The following BMPR1B variants were observed in gnomAD, a reference collection of about 807,000 sequenced individuals.
The protein encoded by BMPR1B is bone morphogenetic protein receptor type 1B, also known as bone morphogenetic protein receptor type-1B.
BMPR1B carries 12 observed loss-of-function variants against 59.1 expected under a neutral mutation model. That is an observed-to-expected ratio of 0.20 (90% CI 0.13 to 0.33). The LOEUF (loss-of-function observed/expected upper bound fraction) is 0.33, where lower values mean the gene tolerates loss of function less well. Among genes scored for constraint, BMPR1B ranks in the 10% least tolerant of loss-of-function variants. BMPR1B has a pLI of 1.00. For missense variants in BMPR1B, 550 were observed against 610.9 expected (o/e 0.90, Z 1.05); for synonymous variants, 237 against 207.3 (o/e 1.14, Z -1.23).
intron 2 of BMPR1B, among the ~76,000 whole-genome samples, chr4:94,880,237 A>G (rs1726904273): frequency 1.3e-5 from 2 of 152,200 alleles, no homozygotes; most frequent in South Asian, 4.1e-4. Context: ...AGAGTACTGT[A>G]CTTCTAACTT....
In BMPR1B at chr4:95,154,887, G is replaced by A; in HGVS notation, c.*214G>A. ...TTGATCCATGTCTGTTTGTAGGACGGAGAAACCGCTTGGGTAACTTGTTCA... is the reference window on the plus strand; with the variant it reads ...TTGATCCATGTCTGTTTGTAGGACGAAGAAACCGCTTGGGTAACTTGTTCA... On this transcript the variant is annotated 3_prime_UTR_variant, in exon 13 of 13. Transcript: ENST00000515059. 1.7e-6 allele frequency: 1 copy of A among 594,856 alleles called. No homozygotes were observed. The highest frequency in any genetic ancestry group is 2.9e-6 in the Non-Finnish European group (1 of 345,770). 36.8% of individuals were successfully genotyped at this position (594,856 alleles called of 1,614,324 possible).
chr4:94,975,743 T>G (rs1274680119), intron 2 of BMPR1B, among the ~76,000 whole-genome samples: 1 of 152,226 alleles, frequency 6.6e-6, no homozygotes, highest in Non-Finnish European at 1.5e-5. Context: ...TTTTATTTCA[T>G]GATTTCTCCC....
chr4:94,759,010 C>T (rs1257905967), intron 1 of BMPR1B, among the ~76,000 whole-genome samples: 3 of 152,190 alleles, frequency 2.0e-5, no homozygotes, highest in East Asian at 1.9e-4. Flanking sequence ...CTCTGCTCGT[C>T]CCTCTTTCTG....
intron 2 of BMPR1B, among the ~76,000 whole-genome samples, chr4:94,976,180 C>G (rs932843761): frequency 1.3e-5 from 2 of 152,128 alleles, no homozygotes; most frequent in African/African-American, 4.8e-5. Context: ...ATTTGGGCTT[C>G]CTCATAGCAT....
At chr4:95,071,652 GTATATATATATATA>G (rs58148216) in intron 3 of BMPR1B, among the ~76,000 whole-genome samples, 1 of 84,342 alleles carries the variant, frequency 1.2e-5, no homozygotes, top group East Asian at 3.4e-4. Context: ...GTGTGTGTGT[GTATATATATATATA>G]TATATATATA....
intron 1 of BMPR1B, among the ~76,000 whole-genome samples, chr4:94,841,085 G>T (rs1263507543): frequency 1.3e-5 from 2 of 148,434 alleles, no homozygotes; most frequent in Admixed American, 6.7e-5. Context: ...GGGTGTCAGG[G>T]GTCAGGGACC....
At position 95,149,148 on chromosome 4, in the gene BMPR1B, A is replaced by C. The variant is rs1540403; in HGVS notation, c.1252+225A>C. 0.48 allele frequency among the ~76,000 whole-genome samples: 72,443 copies of C among 151,560 alleles called. 18,363 individuals carry two copies. Among genetic ancestry groups the C allele is most frequent in the Admixed American group, 0.6 (9,060 of 15,226 alleles). Reference sequence around the variant, plus strand: ...CTGCCACTAGACACACTGTCAGCCTACCCTGCTTTTTCAAGCATCACTGTT... The same window carrying C: ...CTGCCACTAGACACACTGTCAGCCTCCCCTGCTTTTTCAAGCATCACTGTT... On this transcript the variant is annotated intron_variant, in intron 11 of 12. Coordinates refer to ENST00000515059, the MANE Select transcript of BMPR1B (RefSeq NM_001203.3).
chr4:94,758,397 G>A (rs1198971285), intron 1 of BMPR1B, among the ~76,000 whole-genome samples: 1 of 152,078 alleles, frequency 6.6e-6, no homozygotes, highest in Non-Finnish European at 1.5e-5. Context: ...AGCGGCGGCG[G>A]CGGGCGGGAC....
intron 2 of BMPR1B, among the ~76,000 whole-genome samples, chr4:94,980,270 A>C (rs1231015056): frequency 6.6e-6 from 1 of 152,204 alleles, no homozygotes; most frequent in Non-Finnish European, 1.5e-5. Context: ...ATTTTCTAAA[A>C]TATAGGCAAA....
chr4:95,139,076 T>A (rs925818475), intron 10 of BMPR1B, among the ~76,000 whole-genome samples: 1 of 152,172 alleles, frequency 6.6e-6, no homozygotes, highest in East Asian at 1.9e-4. Flanking sequence ...ATGATGGTGA[T>A]GTACAGATGG....
At chr4:94,957,690 T>C (rs1315819316) in intron 2 of BMPR1B, among the ~76,000 whole-genome samples, 2 of 152,162 alleles carry the variant, frequency 1.3e-5, no homozygotes, top group African/African-American at 4.8e-5. Flanking sequence ...AACATATAAC[T>C]TCAGTTAATG....
intron 2 of BMPR1B, among the ~76,000 whole-genome samples, chr4:94,878,698 C>T (rs1297523045): frequency 6.6e-6 from 1 of 151,100 alleles, no homozygotes; most frequent in Admixed American, 6.6e-5. Flanking sequence ...CAGTCCAAAC[C>T]AGTGGCCTCC....
At chr4:95,107,167 G>A (rs1419487577) in intron 4 of BMPR1B, among the ~76,000 whole-genome samples, 1 of 152,038 alleles carries the variant, frequency 6.6e-6, no homozygotes, top group African/African-American at 2.4e-5. Context: ...GACATTTAAT[G>A]CTTGGGTAAA....
intron 3 of BMPR1B, among the ~76,000 whole-genome samples, chr4:95,002,187 A>G (rs1722496321): frequency 6.6e-6 from 1 of 152,152 alleles, no homozygotes; most frequent in Non-Finnish European, 1.5e-5. Flanking sequence ...CTGGATGTCC[A>G]TGAGTTGCCA....
At chr4:95,035,056 G>A (rs1725141015) in intron 3 of BMPR1B, among the ~76,000 whole-genome samples, 1 of 151,910 alleles carries the variant, frequency 6.6e-6, no homozygotes, top group Non-Finnish European at 1.5e-5. Flanking sequence ...TTTTTCATAT[G>A]TTTGTTGGCT....
At chr4:94,857,052 T>G (rs1228825440) in intron 1 of BMPR1B, among the ~76,000 whole-genome samples, 1 of 151,984 alleles carries the variant, frequency 6.6e-6, no homozygotes, top group Non-Finnish European at 1.5e-5. Flanking sequence ...AAAACTGAAG[T>G]AAAGAGTATG....
chr4:94,957,533 C>G (rs1730193264), intron 2 of BMPR1B, among the ~76,000 whole-genome samples: 1 of 150,686 alleles, frequency 6.6e-6, no homozygotes, highest in Non-Finnish European at 1.5e-5. Flanking sequence ...TCTTTGTTTC[C>G]CTCTTCTTTC....
At chr4:94,862,667 C>T (rs185523562) in intron 1 of BMPR1B, among the ~76,000 whole-genome samples, 3,791 of 151,266 alleles carry the variant, frequency 0.025, 134 homozygotes, top group African/African-American at 0.083. Context: ...TTAGCTGGGC[C>T]GGGCGTGGTG....
chr4:95,032,580 A>G (rs982566895), intron 3 of BMPR1B, among the ~76,000 whole-genome samples: 4 of 152,132 alleles, frequency 2.6e-5, no homozygotes, highest in African/African-American at 9.7e-5. Context: ...GTCTCTATGA[A>G]TTTGACTCTA....
Sources: allele counts gnomAD v4.1 joint callset (sites outside exome capture counted in the v4.1 genomes callset), GRCh38; gene constraint gnomAD v4.1.1; transcripts MANE v1.5; gene names NCBI Gene and HGNC (gene_info 2026-07-23, HGNC 2026-07-21).